DMD: variants seen among roughly 807,000 people sequenced by gnomAD.
DMD encodes the protein dystrophin, also known as mutant dystrophin.
A neutral mutation model predicts 330.1 loss-of-function variants in DMD; 63 were observed. That is an observed-to-expected ratio of 0.19 (90% confidence interval 0.16 to 0.24). The LOEUF is 0.24. DMD is among the 10% of genes least tolerant of loss of function. The pLI is 1.00. For synonymous variants in DMD, 1,223 were observed against 959.8 expected (o/e 1.27, Z -5.07); for missense variants, 3,344 against 2,684.1 (o/e 1.25, Z -5.43).
intron 51 of DMD, among the ~76,000 whole-genome samples, chrX:31,731,056 GT>G (rs2086468977): frequency 8.9e-6 from 1 of 111,850 alleles, no homozygotes; most frequent in Non-Finnish European, 1.9e-5. Context: ...TTTGGTAATA[GT>G]AAAATAATGC....
At chrX:32,210,954 T>C (rs1266301786) in intron 44 of DMD, among the ~76,000 whole-genome samples, 1 of 112,144 alleles carries the variant, frequency 8.9e-6, no homozygotes, top group Non-Finnish European at 1.9e-5. Context: ...TCTCTGAATC[T>C]AAACTCTTCA....
At chrX:32,209,969 C>A (rs2065193883) in intron 44 of DMD, among the ~76,000 whole-genome samples, 1 of 111,453 alleles carries the variant, frequency 9.0e-6, no homozygotes, top group Non-Finnish European at 1.9e-5. Flanking sequence ...TGCCTGGTAC[C>A]ACACTCCCAG....
intron 47 of DMD, among the ~76,000 whole-genome samples, chrX:31,899,544 G>A (rs1436645185): frequency 9.0e-6 from 1 of 111,061 alleles, no homozygotes; most frequent in African/African-American, 3.3e-5. Flanking sequence ...GGTAAATATC[G>A]ATACAACTAT....
At chrX:32,793,968 C>T (rs764095969) in intron 7 of DMD, among the ~76,000 whole-genome samples, 2 of 111,407 alleles carry the variant, frequency 1.8e-5, no homozygotes, top group Non-Finnish European at 3.8e-5. Context: ...CCCTGATGAA[C>T]ACTGATGTAG....
chrX:31,294,260 A>C (rs1330941801), intron 62 of DMD, among the ~76,000 whole-genome samples: 2 of 111,964 alleles, frequency 1.8e-5, no homozygotes, highest in Admixed American at 1.9e-4. Flanking sequence ...CTCAGTTTCC[A>C]AGTCTGTGGG....
At chrX:32,353,974 T>C (rs2097790245) in intron 37 of DMD, among the ~76,000 whole-genome samples, 1 of 111,781 alleles carries the variant, frequency 8.9e-6, no homozygotes, top group African/African-American at 3.2e-5. Context: ...TAACAAAGGA[T>C]AACAGACTGA....
intron 7 of DMD, among the ~76,000 whole-genome samples, chrX:32,745,558 C>T (rs1227085289): frequency 8.9e-6 from 1 of 112,438 alleles, no homozygotes; most frequent in African/African-American, 3.2e-5. Flanking sequence ...AAAGTGTTTA[C>T]AGCTTCAATA....
chrX:31,247,816 C>T (rs749720082), intron 63 of DMD, among the ~76,000 whole-genome samples: 47 of 111,208 alleles, frequency 4.2e-4, no homozygotes, highest in African/African-American at 1.5e-3. Context: ...ACAAGTGGGG[C>T]GTGAAGATAT....
intron 41 of DMD, among the ~76,000 whole-genome samples, chrX:32,332,222 C>A (rs2097683642): frequency 9.0e-6 from 1 of 110,843 alleles, no homozygotes; most frequent in African/African-American, 3.3e-5. Flanking sequence ...ATACTGTGTA[C>A]CTAGTCACTG....
intron 50 of DMD, among the ~76,000 whole-genome samples, chrX:31,811,950 CT>C (rs950762735): frequency 9.0e-6 from 1 of 110,923 alleles, no homozygotes; most frequent in Non-Finnish European, 1.9e-5. Context: ...TTGCCATCCT[CT>C]TTTTCCTTTG....
At chrX:32,137,185 AATT>A (rs2096730638) in intron 44 of DMD, among the ~76,000 whole-genome samples, 1 of 111,582 alleles carries the variant, frequency 9.0e-6, no homozygotes, top group African/African-American at 3.3e-5. Context: ...CAGATATTGG[AATT>A]GCTGCTCTCA....
In DMD at chrX:31,949,107, T is replaced by G. The variant is rs181505488; in HGVS notation, c.6615-16880A>C. Among the ~76,000 whole-genome samples the G allele has an allele frequency of 2.0e-3, 219 of 111,444 alleles. No homozygotes were observed. The Middle Eastern group carries it at 0.028, about 14-fold the overall frequency. ...CTTTTTCACAATTGTTTTGGCTATT[T>G]GGTACATTTGAATTGCTATATATAA... On this transcript the variant is annotated intron_variant, in intron 45 of 78. Coordinates refer to ENST00000357033, the MANE Select transcript of DMD (RefSeq NM_004006.3).
chrX:32,060,815 G>A (rs768565135), intron 44 of DMD, among the ~76,000 whole-genome samples: 5 of 111,084 alleles, frequency 4.5e-5, no homozygotes, highest in Non-Finnish European at 7.6e-5. Flanking sequence ...TTCAGGTTTG[G>A]AGCTGAAACA....
Position 32,216,754 on chromosome X carries a change from C to G in DMD, c.6438+162G>C, listed in dbSNP as rs967200978. ...CACAAAAAGTCCATAGCACCGTGCTCTAATATTATCATTATGATAATTTTC... is the reference window on the plus strand; with the variant it reads ...CACAAAAAGTCCATAGCACCGTGCTGTAATATTATCATTATGATAATTTTC... On this transcript the variant is annotated intron_variant, in intron 44 of 78. Coordinates refer to ENST00000357033, the MANE Select transcript of DMD (RefSeq NM_004006.3). The G allele has an allele frequency of 1.0e-5, 5 of 499,439 alleles. No homozygotes were observed. In the Admixed American group the frequency reaches 1.4e-4, roughly 14 times the overall value. 41.2% of individuals were successfully genotyped at this position (499,439 alleles called of 1,213,427 possible).
At position 31,319,296 on chromosome X, in the gene DMD, G is replaced by T. The variant is rs372604433; in HGVS notation, c.9224+4302C>A. On this transcript the variant is annotated intron_variant, in intron 62 of 78. Transcript: ENST00000357033. ...GACTAAAAAGGATTAGAATTTCTCA[G>T]ACTGGGAAGATGAAAATGAAAAGCA... Among the ~76,000 whole-genome samples, 4 of 112,132 alleles carry T rather than the reference G, an allele frequency of 3.6e-5. No homozygotes were observed. In the East Asian group the frequency reaches 8.3e-4, roughly 23 times the overall value.
At chrX:32,410,877 C>A (rs1603632867) in intron 30 of DMD, among the ~76,000 whole-genome samples, 1 of 112,122 alleles carries the variant, frequency 8.9e-6, no homozygotes, top group South Asian at 3.7e-4. Flanking sequence ...ATTTTCAACA[C>A]TATTTTAATT....
chrX:31,211,537 C>T (rs1043570955), intron 64 of DMD, among the ~76,000 whole-genome samples: 2 of 112,399 alleles, frequency 1.8e-5, no homozygotes, highest in African/African-American at 6.5e-5. Context: ...TAAGAAGTAA[C>T]TAGTGAAAAT....
At chrX:32,028,548 TCTG>T (rs1303625408) in intron 44 of DMD, among the ~76,000 whole-genome samples, 1 of 111,599 alleles carries the variant, frequency 9.0e-6, no homozygotes, top group Non-Finnish European at 1.9e-5. Context: ...ACAAGGAGAT[TCTG>T]GTACTACAGA....
intron 1 of DMD, among the ~76,000 whole-genome samples, chrX:33,182,442 A>AC: frequency 9.6e-6 from 1 of 103,804 alleles, no homozygotes; most frequent in East Asian, 3.0e-4. Flanking sequence ...ATTTCTTTTC[A>AC]TTTTTTTTTT....
Sources: gnomAD v4.1 joint callset for allele counts (sites outside exome capture counted in the v4.1 genomes callset) on GRCh38, gnomAD v4.1.1 for gene constraint, MANE v1.5 for transcripts, NCBI Gene and HGNC (gene_info 2026-07-23, HGNC 2026-07-21) for gene names.